The following TAT variants were observed in gnomAD, a reference collection of about 807,000 sequenced individuals.
TAT encodes the protein L-tyrosine:2-oxoglutarate aminotransferase.
Under a neutral mutation model 53.6 loss-of-function variants are expected in TAT, and 35 were observed. That is an observed-to-expected ratio of 0.65 (90% CI 0.50 to 0.87). TAT has a LOEUF of 0.87. Among genes scored for constraint, TAT ranks in the 40% least tolerant of loss-of-function variants. TAT has a pLI of 0.00. For missense variants in TAT, 525 were observed against 571.8 expected, an observed-to-expected ratio of 0.92 and a Z score of 0.83; for synonymous variants, 197 against 206.5, an observed-to-expected ratio of 0.95 and a Z score of 0.39.
rs2044158068 is a variant in TAT at position 71,565,686 on chromosome 16, G to GA, written c.*2457dup. On this transcript the variant is annotated 3_prime_UTR_variant, in exon 12 of 12. Transcript: ENST00000355962. The stretch of plus-strand genomic sequence containing the variant: ...TACAAAGTTGAGTAATACTTTATTT[G>GA]AAAAAATGAAAAGTGCACACACACA... 3.0e-5 allele frequency: 4 copies of GA among 135,418 alleles called. No homozygotes were observed. In the South Asian group the frequency reaches 6.5e-4, roughly 22 times the overall value. 8.4% of individuals were successfully genotyped at this position (135,418 alleles called of 1,614,324 possible).
chr16:71,568,546 G>C, intron 11 of TAT, 165 bp downstream of exon 11: 1 of 730,850 alleles, frequency 1.4e-6, no homozygotes, highest in East Asian at 2.7e-5. Flanking sequence ...TGATGGGGGG[G>C]AGAAGCAAAT....
chr16:71,571,654 A>G lies in TAT; in HGVS notation c.711T>C (p.Ala237=). The G allele has an allele frequency of 6.2e-7, 1 of 1,614,212 alleles. No homozygotes were observed. The highest frequency in any genetic ancestry group is 8.5e-7 in the Non-Finnish European group (1 of 1,180,026). ...KRHLQKILAV[A]ARQCVPILAD... ...CTAAGATGGGGACACACTGCCGTGCAGCCACTGAAAATAAAACATGCTGAA... is the reference window on the plus strand; with the variant it reads ...CTAAGATGGGGACACACTGCCGTGCGGCCACTGAAAATAAAACATGCTGAA... The change falls in exon 7 of 12, where the codon GCT becomes GCC. Residue 237 remains alanine, a synonymous_variant. Coordinates refer to ENST00000355962, the MANE Select transcript of TAT (RefSeq NM_000353.3).
intron 9 of TAT, 136 bp downstream of exon 9, chr16:71,570,133 G>T: frequency 2.8e-6 from 4 of 1,444,532 alleles, no homozygotes; most frequent in South Asian, 2.4e-5. Context: ...AGAAACGTGT[G>T]TGTGGATGCT....
chr16:71,575,488 G>A (rs550541878), intron 3 of TAT: 2 of 257,956 alleles, frequency 7.8e-6, no homozygotes, highest in African/African-American at 2.2e-5. Flanking sequence ...AATGTGCTCA[G>A]GACCATAATG....
Position 71,572,628 on chromosome 16 carries a change from T to G in TAT, c.469A>C (p.Asn157His), listed in dbSNP as rs1304346431. ...AIDLCLAVLA[N>H]PGQNILVPRP... ...GGAACCAGGATGTTTTGCCCTGGGT[T>G]GGCCAACACAGCTAAACAAAGGTCA... Residue 157 changes from asparagine to histidine, a missense_variant, in exon 5 of 12, where the codon AAC becomes CAC. Transcript: ENST00000355962. 6.2e-7 allele frequency: 1 copy of G among 1,614,248 alleles called. No individual in the cohort carries two copies. Among genetic ancestry groups the G allele is most frequent in the East Asian group, 2.2e-5 (1 of 44,886 alleles).
chr16:71,575,493 A>G (rs2044228987), intron 3 of TAT: 1 of 261,658 alleles, frequency 3.8e-6, no homozygotes, highest in African/African-American at 2.2e-5. Context: ...GCTCAGGACC[A>G]TAATGAAAAT....
At chr16:71,573,852 TG>T (rs2044219622) in intron 3 of TAT, among the ~76,000 whole-genome samples, 1 of 151,860 alleles carries the variant, frequency 6.6e-6, no homozygotes, top group Non-Finnish European at 1.5e-5. Context: ...TGTTTTTGTT[TG>T]TTTTTTTTGT....
chr16:71,574,532 G>A (rs2044223916), intron 3 of TAT, among the ~76,000 whole-genome samples: 1 of 130,100 alleles, frequency 7.7e-6, no homozygotes, highest in African/African-American at 3.0e-5. Flanking sequence ...GGTGAGCCAA[G>A]ATCATGCCAC....
chr16:71,567,738 GTTCTTTCT>G lies in TAT; in HGVS notation c.*398_*405del. ...CTTCAGACCTGCCTGGAGAGAGCGT[GTTCTTTCT>G]TAGAGTCTGAGGAAATGGTTGGGGG... is the stretch of plus-strand genomic sequence containing the variant. On this transcript the variant is annotated 3_prime_UTR_variant, in exon 12 of 12. Coordinates refer to ENST00000355962, the MANE Select transcript of TAT (RefSeq NM_000353.3). 13 of 294,180 alleles carry G rather than the reference GTTCTTTCT, an allele frequency of 4.4e-5. No homozygotes were observed. The highest frequency in any genetic ancestry group is 1.0e-4 in the South Asian group (3 of 28,972). The allele number at this position is 294,180 out of a possible 1,614,324, so 18.2% of individuals were successfully genotyped here.
rs1327823644 is a variant in TAT at position 71,568,449 on chromosome 16, A to G, written c.1225-165T>C. ...GCTAAGTCAGCAACTGAGTTCATTC[A>G]TCTTAAAATGACTTGTGGGACAGGA... On this transcript the variant is annotated intron_variant, in intron 11 of 11. Coordinates refer to ENST00000355962, the MANE Select transcript of TAT (RefSeq NM_000353.3). 4 of 718,458 alleles carry G rather than the reference A, an allele frequency of 5.6e-6. No homozygotes were observed. The East Asian group carries it at 1.1e-4, about 19-fold the overall frequency. The allele number at this position is 718,458 out of a possible 1,614,324, so 44.5% of individuals were successfully genotyped here.
At chr16:71,571,359 A>G (rs2044201822) in intron 7 of TAT, among the ~76,000 whole-genome samples, 1 of 152,240 alleles carries the variant, frequency 6.6e-6, no homozygotes, top group Non-Finnish European at 1.5e-5. Context: ...GAAAAATAAA[A>G]ATCTACAAAT....
chr16:71,575,895 A>G, intron 3 of TAT, 27 bp downstream of exon 3: 2 of 1,603,148 alleles, frequency 1.2e-6, no homozygotes, highest in East Asian at 2.2e-5. Context: ...GGCAGTCACC[A>G]GGTATGGAGT....
chr16:71,568,722 G>T lies in TAT; in HGVS notation c.1213C>A (p.Leu405Ile). Reference protein sequence around the residue: ...RLVAEQSVHCLPATCFEYPNF... With the variant: ...RLVAEQSVHCIPATCFEYPNF... ...ACACAGGCACCCACCGTTGCTGGGA[G>T]GCAGTGGACAGACTGCTCAGCAACT... The change falls in exon 11 of 12, where the codon CTC becomes ATC. Residue 405 changes from leucine to isoleucine, a missense_variant. Physicochemically the swap from Leu to Ile is conservative, Grantham distance 5. Transcript: ENST00000355962. The T allele has an allele frequency of 6.2e-7, 1 of 1,613,442 alleles. No homozygotes were observed. The highest frequency in any genetic ancestry group is 8.5e-7 in the Non-Finnish European group (1 of 1,179,620).
chr16:71,571,739 C>G (rs1303114260), intron 6 of TAT, 81 bp from the exon 7 acceptor site: 1 of 1,348,826 alleles, frequency 7.4e-7, no homozygotes, highest in Non-Finnish European at 1.1e-6. Flanking sequence ...TGTAATTTCC[C>G]TATCCCGTAA....
intron 11 of TAT, 82 bp downstream of exon 11, chr16:71,568,629 G>A: frequency 9.6e-7 from 1 of 1,046,074 alleles, no homozygotes; most frequent in Non-Finnish European, 1.5e-6. Flanking sequence ...GAGGAGAAAA[G>A]ATCAGGCTAA....
In TAT at chr16:71,567,461, T is replaced by TAAAAAAAGA. The variant is rs1381454749; in HGVS notation, c.*674_*682dup. On this transcript the variant is annotated 3_prime_UTR_variant, in exon 12 of 12. Transcript: ENST00000355962. The stretch of plus-strand genomic sequence containing the variant: ...AAGAAAAGCTTATATTGAACTTCTC[T>TAAAAAAAGA]AAAAAAAGAAAAAAAAGAAAGCCTG... 1 of 151,480 alleles carries TAAAAAAAGA rather than the reference T, an allele frequency of 6.6e-6. No homozygotes were observed. The highest frequency in any genetic ancestry group is 1.5e-5 in the Non-Finnish European group (1 of 67,946). The allele number at this position is 151,480 out of a possible 1,614,324, so 9.4% of individuals were successfully genotyped here. A position where few individuals can be genotyped will look rare whatever the true frequency, so the allele number is the denominator to read the frequency against.
At chr16:71,574,581 CAAAAAAAAAA>C (rs71389677) in intron 3 of TAT, among the ~76,000 whole-genome samples, 21 of 79,786 alleles carry the variant, frequency 2.6e-4, no homozygotes, top group African/African-American at 4.0e-4. Flanking sequence ...AACTTCGTCT[CAAAAAAAAAA>C]AAAAAAAAAA....
chr16:71,570,241 C>G (rs1187900081), intron 9 of TAT, 28 bp downstream of exon 9: 2 of 1,613,974 alleles, frequency 1.2e-6, no homozygotes, highest in Non-Finnish European at 1.7e-6. Flanking sequence ...CCCAAACTCC[C>G]AAAGTGGAGG....
In TAT at chr16:71,568,123, C is replaced by A; in HGVS notation, c.*21G>T. 1.2e-6 allele frequency: 2 copies of A among 1,614,162 alleles called. No homozygotes were observed. Among genetic ancestry groups the A allele is most frequent in the Non-Finnish European group, 1.7e-6 (2 of 1,180,030 alleles). On this transcript the variant is annotated 3_prime_UTR_variant, in exon 12 of 12. Transcript: ENST00000355962. The stretch of plus-strand genomic sequence containing the variant: ...CAGCCTTCCCTAGATGGGACACATC[C>A]TCAGGAGAATGGATGCAGGCCTATT...
Sources: allele counts gnomAD v4.1 joint callset (sites outside exome capture counted in the v4.1 genomes callset), GRCh38; gene constraint gnomAD v4.1.1; transcripts MANE v1.5; gene names NCBI Gene and HGNC (gene_info 2026-07-23, HGNC 2026-07-21).